CDH18: variants seen among roughly 807,000 people sequenced by gnomAD.
The protein encoded by CDH18 is cadherin-18.
A neutral mutation model predicts 67.9 loss-of-function variants in CDH18; 31 were observed. That is an observed-to-expected ratio of 0.46 (90% CI 0.34 to 0.62). CDH18 has a LOEUF of 0.62. Among genes scored for constraint, CDH18 ranks in the 20% least tolerant of loss-of-function variants. The probability of loss-of-function intolerance (pLI) is 0.01; values close to 1 mark genes in which losing one functional copy is unlikely to be tolerated. For missense variants in CDH18, 890 were observed against 975.5 expected (o/e 0.91, Z 1.17); for synonymous variants, 362 against 347.2 (o/e 1.04, Z -0.48).
At chr5:20,002,257 C>T (rs557308014) in intron 2 of CDH18, among the ~76,000 whole-genome samples, 4 of 152,296 alleles carry the variant, frequency 2.6e-5, no homozygotes, top group African/African-American at 9.6e-5. Flanking sequence ...TCTGAATTCC[C>T]CCAGAACATT....
chr5:19,795,504 A>T (rs997406682), intron 3 of CDH18, among the ~76,000 whole-genome samples: 4 of 152,156 alleles, frequency 2.6e-5, no homozygotes, highest in African/African-American at 4.8e-5. Flanking sequence ...ACTTAGTAAG[A>T]CTGAAATAAA....
At chr5:20,352,497 T>G (rs906457122) in intron 1 of CDH18, among the ~76,000 whole-genome samples, 8 of 151,858 alleles carry the variant, frequency 5.3e-5, no homozygotes, top group Non-Finnish European at 1.2e-4. Context: ...AATAAGAACC[T>G]GGACAGACAC....
intron 2 of CDH18, among the ~76,000 whole-genome samples, chr5:20,123,082 C>CTA (rs901862677): frequency 2.0e-5 from 3 of 148,432 alleles, no homozygotes; most frequent in East Asian, 2.0e-4. Context: ...ATGATATTTC[C>CTA]TATATATATT....
intron 10 of CDH18, among the ~76,000 whole-genome samples, chr5:19,516,813 A>C (rs1746090153): frequency 6.6e-6 from 1 of 151,964 alleles, no homozygotes; most frequent in African/African-American, 2.4e-5. Flanking sequence ...TCCTGGATTC[A>C]TTGATTTTTT....
chr5:20,260,233 G>A (rs1474926717), intron 1 of CDH18, among the ~76,000 whole-genome samples: 1 of 151,180 alleles, frequency 6.6e-6, no homozygotes, highest in African/African-American at 2.4e-5. Context: ...TGGGTGTTAG[G>A]GACTAGTTAT....
At chr5:20,295,683 T>C (rs920627101) in intron 1 of CDH18, among the ~76,000 whole-genome samples, 7 of 151,150 alleles carry the variant, frequency 4.6e-5, no homozygotes, top group Non-Finnish European at 1.0e-4. Flanking sequence ...GCCAAGGTTG[T>C]GCCACTGCAC....
intron 2 of CDH18, among the ~76,000 whole-genome samples, chr5:19,973,849 A>G (rs1798253700): frequency 6.6e-6 from 1 of 151,986 alleles, no homozygotes; most frequent in Admixed American, 6.6e-5. Flanking sequence ...AGGTGATGGC[A>G]AGAATTTAGC....
intron 2 of CDH18, among the ~76,000 whole-genome samples, chr5:20,220,727 T>C (rs1163675516): frequency 6.6e-6 from 1 of 151,884 alleles, no homozygotes; most frequent in Non-Finnish European, 1.5e-5. Context: ...ACTATCCAGC[T>C]GACAAGGGAT....
In CDH18 at chr5:19,472,690, G is replaced by A. The variant is rs1338544859; in HGVS notation, c.*536C>T. Among the ~76,000 whole-genome samples, 1 of 152,098 alleles carries A rather than the reference G, an allele frequency of 6.6e-6. No individual in the cohort carries two copies. Among genetic ancestry groups the A allele is most frequent in the Admixed American group, 6.6e-5 (1 of 15,236 alleles). On this transcript the variant is annotated 3_prime_UTR_variant, in exon 13 of 13. Transcript: ENST00000382275. ...AAATGGTACATACAAGTCCATGATA[G>A]AGTGGAAATACCTCATGTAATATAA...
intron 11 of CDH18, among the ~76,000 whole-genome samples, chr5:19,498,881 G>A (rs998506457): frequency 4.6e-5 from 7 of 152,066 alleles, no homozygotes; most frequent in African/African-American, 9.7e-5. Flanking sequence ...GTCAAGTTAC[G>A]TATCTCCATC....
intron 5 of CDH18, among the ~76,000 whole-genome samples, chr5:19,689,142 C>G (rs538434333): frequency 4.6e-4 from 70 of 152,130 alleles, no homozygotes; most frequent in South Asian, 8.3e-4. Context: ...CCTCCTAAGT[C>G]TAGCAAGATT....
At chr5:20,327,134 A>G (rs1240633112) in intron 1 of CDH18, among the ~76,000 whole-genome samples, 2 of 152,228 alleles carry the variant, frequency 1.3e-5, no homozygotes, top group Non-Finnish European at 2.9e-5. Flanking sequence ...AAGATAGATC[A>G]TATTAAACCT....
chr5:20,441,504 A>C (rs570592959), intron 1 of CDH18, among the ~76,000 whole-genome samples: 74 of 151,976 alleles, frequency 4.9e-4, no homozygotes, highest in Admixed American at 1.8e-3. Flanking sequence ...CAAAAAAAAA[A>C]CATTTCATCC....
chr5:19,807,158 G>C (rs1778127450), intron 3 of CDH18, among the ~76,000 whole-genome samples: 1 of 152,082 alleles, frequency 6.6e-6, no homozygotes, highest in Non-Finnish European at 1.5e-5. Context: ...ACAAAATATA[G>C]GGACCTGTTG....
At chr5:20,530,256 A>T (rs1424685384) in intron 1 of CDH18, among the ~76,000 whole-genome samples, 2 of 152,054 alleles carry the variant, frequency 1.3e-5, no homozygotes, top group African/African-American at 2.4e-5. Flanking sequence ...AGGTGGAAAA[A>T]CATTCTATGC....
At chr5:19,791,085 C>A (rs549846402) in intron 3 of CDH18, among the ~76,000 whole-genome samples, 1 of 152,086 alleles carries the variant, frequency 6.6e-6, no homozygotes, top group East Asian at 1.9e-4. Flanking sequence ...GAGATTGCAG[C>A]AAAGCCTCCA....
intron 2 of CDH18, among the ~76,000 whole-genome samples, chr5:19,839,532 G>C (rs1334618539): frequency 6.6e-6 from 1 of 152,028 alleles, no homozygotes; most frequent in Non-Finnish European, 1.5e-5. Flanking sequence ...TACTGTATAA[G>C]ACTCATCAAA....
rs144657281 is a variant in CDH18, at chr5:19,920,592, C to A, written c.-257+60468G>T. On this transcript the variant is annotated intron_variant, in intron 2 of 12. Transcript: ENST00000382275. ...ACAATGGCACGATCTCGGCTCACTG[C>A]AACCTCTGCCTCCTGGTTTCAAACG... 9.2e-3 allele frequency among the ~76,000 whole-genome samples: 1,357 copies of A among 148,044 alleles called. 21 individuals carry two copies. Among genetic ancestry groups the A allele is most frequent in the African/African-American group, 0.028 (1,139 of 40,210 alleles).
intron 1 of CDH18, among the ~76,000 whole-genome samples, chr5:20,369,231 T>C (rs77416908): frequency 0.023 from 3,477 of 152,160 alleles, 104 homozygotes; most frequent in East Asian, 0.076. Context: ...GTGTGCTCCA[T>C]TGAATTGAAT....
Sources: gnomAD v4.1 joint callset for allele counts (sites outside exome capture counted in the v4.1 genomes callset) on GRCh38, gnomAD v4.1.1 for gene constraint, MANE v1.5 for transcripts, NCBI Gene and HGNC (gene_info 2026-07-23, HGNC 2026-07-21) for gene names.